Variants in SND1 observed in about 807,000 individuals in gnomAD.
The protein encoded by SND1 is staphylococcal nuclease domain-containing protein 1.
A neutral mutation model predicts 121.7 loss-of-function variants in SND1; 38 were observed. That is an observed-to-expected ratio of 0.31 (90% CI 0.24 to 0.41). The LOEUF is 0.41. Ranked by LOEUF, SND1 falls within the 10% of genes least tolerant of loss-of-function variation. The pLI is 1.00. For missense variants in SND1, 868 were observed against 1,184.6 expected (o/e 0.73, Z 3.92); for synonymous variants, 401 against 447.4 (o/e 0.90, Z 1.31).
At chr7:127,851,036 A>G (rs977694354) in intron 12 of SND1, among the ~76,000 whole-genome samples, 1 of 152,322 alleles carries the variant, frequency 6.6e-6, no homozygotes, top group Non-Finnish European at 1.5e-5. Flanking sequence ...CTGGCTATCT[A>G]TGGCAACCTC....
chr7:127,947,318 T>C lies in SND1; in HGVS notation c.1669+17989T>C, dbSNP rs1278238692. On this transcript the variant is annotated intron_variant, in intron 15 of 23. Coordinates refer to ENST00000354725, the MANE Select transcript of SND1 (RefSeq NM_014390.4). ...GTGTACATCTCAGGATATTTGCATA[T>C]TTGCTGTCTGAGTTTTTCATGCTGC... Among the ~76,000 whole-genome samples the C allele has an allele frequency of 3.9e-5, 6 of 152,208 alleles. 1 individual carries two copies. The highest frequency in any genetic ancestry group is 3.3e-4 in the Admixed American group (5 of 15,284).
intron 9 of SND1, among the ~76,000 whole-genome samples, chr7:127,714,126 G>A (rs1340435324): frequency 6.6e-6 from 1 of 152,174 alleles, no homozygotes; most frequent in South Asian, 2.1e-4. Context: ...CTCAAGAGGT[G>A]TCTCCTTACC....
chr7:127,798,207 G>A (rs149964376), intron 10 of SND1, among the ~76,000 whole-genome samples: 1 of 152,140 alleles, frequency 6.6e-6, no homozygotes, highest in Non-Finnish European at 1.5e-5. Flanking sequence ...TCCCTCTTTG[G>A]TCCTGTGAAA....
At chr7:127,956,598 C>T (rs1467073519) in intron 15 of SND1, among the ~76,000 whole-genome samples, 5 of 152,144 alleles carry the variant, frequency 3.3e-5, no homozygotes, top group Admixed American at 2.0e-4. Flanking sequence ...TTCAGCAGAT[C>T]CCTAAGTCCT....
chr7:128,080,336 G>A (rs538987570), intron 17 of SND1, among the ~76,000 whole-genome samples: 1 of 152,374 alleles, frequency 6.6e-6, no homozygotes, highest in East Asian at 1.9e-4. Flanking sequence ...CGTCAAATCA[G>A]CTTCTGAGCC....
At chr7:128,091,646 G>A (rs560214852) in intron 22 of SND1, among the ~76,000 whole-genome samples, 191 bp from the exon 23 acceptor site, 4 of 152,228 alleles carry the variant, frequency 2.6e-5, no homozygotes, top group South Asian at 2.1e-4. Context: ...GAGCTAGTGC[G>A]AAGAGTTAAG....
At chr7:127,735,216 G>A (rs1159729991) in intron 10 of SND1, among the ~76,000 whole-genome samples, 1 of 152,204 alleles carries the variant, frequency 6.6e-6, no homozygotes, top group African/African-American at 2.4e-5. Context: ...GGACCTGGAG[G>A]TTGGTTGGGT....
intron 10 of SND1, among the ~76,000 whole-genome samples, chr7:127,760,020 C>T (rs1470018466): frequency 6.6e-6 from 1 of 152,174 alleles, no homozygotes; most frequent in Non-Finnish European, 1.5e-5. Context: ...GGGCTCTTGT[C>T]TCTCCCACGT....
chr7:127,802,955 C>T (rs986564652), intron 10 of SND1, among the ~76,000 whole-genome samples: 6 of 152,190 alleles, frequency 3.9e-5, no homozygotes, highest in African/African-American at 1.4e-4. Flanking sequence ...TCCTCACTGC[C>T]GCTGCCTTGA....
intron 11 of SND1, among the ~76,000 whole-genome samples, chr7:127,814,482 G>C (rs564492061): frequency 6.6e-6 from 1 of 152,242 alleles, no homozygotes; most frequent in South Asian, 2.1e-4. Flanking sequence ...CGAGTGTGAA[G>C]TGAGGCTGGA....
At chr7:127,941,882 A>T (rs1584683075) in intron 15 of SND1, among the ~76,000 whole-genome samples, 2 of 131,534 alleles carry the variant, frequency 1.5e-5, no homozygotes, top group East Asian at 2.2e-4. Context: ...TTATTGTTTG[A>T]TAGGGAGTTT....
At chr7:127,786,767 C>T (rs1797820495) in intron 10 of SND1, among the ~76,000 whole-genome samples, 1 of 152,162 alleles carries the variant, frequency 6.6e-6, no homozygotes, top group South Asian at 2.1e-4. Context: ...CCTCAGCCTC[C>T]CGTGTAGCTG....
chr7:128,069,305 A>T (rs1793369124), intron 16 of SND1, among the ~76,000 whole-genome samples: 1 of 152,212 alleles, frequency 6.6e-6, no homozygotes, highest in African/African-American at 2.4e-5. Flanking sequence ...ACAGCTGCTG[A>T]ATGTAACCAT....
intron 16 of SND1, among the ~76,000 whole-genome samples, chr7:128,064,034 G>A (rs934026073): frequency 6.6e-5 from 10 of 152,178 alleles, no homozygotes; most frequent in Admixed American, 2.0e-4. Context: ...GAAGTGATCA[G>A]ATTGGGAAAT....
chr7:127,868,922 G>A (rs150458845), intron 12 of SND1, among the ~76,000 whole-genome samples: 6 of 152,144 alleles, frequency 3.9e-5, no homozygotes, highest in Middle Eastern at 3.4e-3. Context: ...GTTGCCAGGC[G>A]CCAGTTCTTT....
At chr7:127,915,721 C>T (rs1049314624) in intron 14 of SND1, among the ~76,000 whole-genome samples, 1 of 152,140 alleles carries the variant, frequency 6.6e-6, no homozygotes, top group Admixed American at 6.5e-5. Flanking sequence ...CTGATAAAGT[C>T]CTTGAAGTGA....
chr7:127,794,586 TTCTG>T (rs1325562226), intron 10 of SND1, among the ~76,000 whole-genome samples: 2 of 152,254 alleles, frequency 1.3e-5, no homozygotes, highest in African/African-American at 4.8e-5. Context: ...CACCCGCTCC[TTCTG>T]TCTGTTACAG....
chr7:127,705,887 A>G (rs1796183976), intron 8 of SND1, among the ~76,000 whole-genome samples: 2 of 152,214 alleles, frequency 1.3e-5, no homozygotes, highest in African/African-American at 4.8e-5. Flanking sequence ...GAGATGTGCA[A>G]CGACGTGAAT....
intron 16 of SND1, among the ~76,000 whole-genome samples, chr7:128,009,899 T>C (rs1040961281): frequency 4.6e-5 from 7 of 152,216 alleles, no homozygotes; most frequent in Admixed American, 4.6e-4. Flanking sequence ...CAGACAACCT[T>C]GTCCTTATCC....
Sources: gnomAD v4.1 joint callset for allele counts (sites outside exome capture counted in the v4.1 genomes callset) on GRCh38, gnomAD v4.1.1 for gene constraint, MANE v1.5 for transcripts, NCBI Gene and HGNC (gene_info 2026-07-23, HGNC 2026-07-21) for gene names.